The following NFIB variants were observed in gnomAD, a reference collection of about 807,000 sequenced individuals.
NFIB encodes the protein nuclear factor 1 B-type.
Under a neutral mutation model 61.5 loss-of-function variants are expected in NFIB, and 11 were observed. The ratio of observed to expected loss-of-function variants is 0.18; its 90% confidence interval spans 0.11 to 0.30. The LOEUF is 0.30. NFIB is among the 10% of genes least tolerant of loss of function. The pLI is 1.00. For synonymous variants in NFIB, 260 were observed against 216.5 expected (o/e 1.20, Z -1.76); for missense variants, 471 against 608.9 (o/e 0.77, Z 2.38).
intron 3 of NFIB, among the ~76,000 whole-genome samples, chr9:14,164,135 AT>A (rs1290271995): frequency 2.0e-5 from 3 of 152,056 alleles, no homozygotes; most frequent in African/African-American, 4.8e-5. Flanking sequence ...ATTTAAAAAA[AT>A]AAATAAAACA....
chr9:14,294,373 C>T (rs1366272057), intron 2 of NFIB, among the ~76,000 whole-genome samples: 8 of 152,336 alleles, frequency 5.3e-5, no homozygotes, highest in East Asian at 3.9e-4. Flanking sequence ...ACCATGTATA[C>T]GCTCCCACTT....
At chr9:14,450,912 C>G in the NFIB span, among the ~76,000 whole-genome samples, 1 of 152,230 alleles carries the variant, frequency 6.6e-6, no homozygotes, top group South Asian at 2.1e-4. Context: ...GTGTGATTTA[C>G]AGACATTGTC....
At chr9:14,208,725 C>A (rs10961424) in intron 2 of NFIB, among the ~76,000 whole-genome samples, 35,553 of 151,976 alleles carry the variant, frequency 0.23, 4,303 homozygotes, top group South Asian at 0.4. Context: ...AACTGAGGAC[C>A]ATTCAACAAT....
chr9:14,428,610 G>T, the NFIB span, among the ~76,000 whole-genome samples: 1 of 152,184 alleles, frequency 6.6e-6, no homozygotes, highest in Non-Finnish European at 1.5e-5. Flanking sequence ...TTCTGAAATT[G>T]CTCCAGCCTC....
the NFIB span, among the ~76,000 whole-genome samples, chr9:14,426,307 C>T: frequency 6.6e-6 from 1 of 152,178 alleles, no homozygotes; most frequent in East Asian, 1.9e-4. Context: ...AGGCCAGATG[C>T]AGGTGGCATG....
chr9:14,521,374 G>T, the NFIB span, among the ~76,000 whole-genome samples: 1 of 152,054 alleles, frequency 6.6e-6, no homozygotes, highest in Non-Finnish European at 1.5e-5. Flanking sequence ...TGATGTCTTT[G>T]GTTAATCATG....
the NFIB span, among the ~76,000 whole-genome samples, chr9:14,425,603 C>T: frequency 7.4e-6 from 1 of 135,142 alleles, no homozygotes; most frequent in Non-Finnish European, 1.5e-5. Flanking sequence ...AGCATTGCTA[C>T]ATAATTTTTT....
chr9:14,229,197 C>T (rs934008264), intron 2 of NFIB, among the ~76,000 whole-genome samples: 7 of 152,148 alleles, frequency 4.6e-5, no homozygotes, highest in African/African-American at 9.7e-5. Context: ...AAAAGCTCAT[C>T]GGTAAGTTAA....
At chr9:14,108,101 A>G (rs191279098) in intron 10 of NFIB, among the ~76,000 whole-genome samples, 7 of 152,186 alleles carry the variant, frequency 4.6e-5, no homozygotes, top group Admixed American at 1.3e-4. Flanking sequence ...CTTCCTTTAA[A>G]TGTGTTTCCT....
chr9:14,198,185 T>C (rs983035435), intron 2 of NFIB, among the ~76,000 whole-genome samples: 2 of 152,176 alleles, frequency 1.3e-5, no homozygotes, highest in African/African-American at 4.8e-5. Flanking sequence ...GAAATGGGGT[T>C]TCCCTTCCAT....
the NFIB span, among the ~76,000 whole-genome samples, chr9:14,496,125 C>T: frequency 1.4e-3 from 207 of 152,328 alleles, 1 homozygote; most frequent in Non-Finnish European, 2.5e-3. Flanking sequence ...TTCACTCTTA[C>T]ATGTTGAGTA....
the NFIB span, among the ~76,000 whole-genome samples, chr9:14,477,979 C>T: frequency 6.6e-6 from 1 of 152,134 alleles, no homozygotes; most frequent in African/African-American, 2.4e-5. Flanking sequence ...ATTCTATGCC[C>T]TGAGGAAATC....
intron 1 of NFIB, among the ~76,000 whole-genome samples, chr9:14,341,361 C>G (rs1347179590): frequency 6.6e-6 from 1 of 152,182 alleles, no homozygotes; most frequent in Admixed American, 6.5e-5. Context: ...GGACAGCTCT[C>G]TTTGTAGTTT....
chr9:14,471,036 T>C, the NFIB span, among the ~76,000 whole-genome samples: 3 of 152,244 alleles, frequency 2.0e-5, no homozygotes, highest in Admixed American at 6.5e-5. Context: ...ATTAATGATC[T>C]GAAAAATTCC....
chr9:14,531,538 AG>A, the NFIB span, among the ~76,000 whole-genome samples: 3 of 152,174 alleles, frequency 2.0e-5, no homozygotes, highest in African/African-American at 7.2e-5. Context: ...CATTATTCAG[AG>A]GAGCTGCAGA....
rs527345903 is a variant in NFIB at position 14,374,873 on chromosome 9, G to A, written c.108+23651C>T. Among the ~76,000 whole-genome samples, 5 of 152,228 alleles carry A rather than the reference G, an allele frequency of 3.3e-5. No homozygotes were observed. In the East Asian group the frequency reaches 7.7e-4, roughly 24 times the overall value. ...TGCAGTGAGACAAGATTGCGCCACT[G>A]CACTCCAGCCTGGGCAACAGAGCTA... On this transcript the variant is annotated intron_variant, in intron 1 of 8. Coordinates refer to the NFIB transcript ENST00000380934.
At chr9:14,315,456 C>A (rs1344717376), upstream of NFIB, among the ~76,000 whole-genome samples, 3 of 148,536 alleles carry the variant, frequency 2.0e-5, no homozygotes, top group Non-Finnish European at 4.5e-5. Context: ...CAATCCCCAC[C>A]CCCCGGGGCC....
the NFIB span, among the ~76,000 whole-genome samples, chr9:14,409,830 G>T: frequency 1.3e-5 from 2 of 152,138 alleles, no homozygotes; most frequent in Non-Finnish European, 2.9e-5. Context: ...ATAAGAGAAG[G>T]TATTATAAAC....
chr9:14,509,558 G>C, the NFIB span, among the ~76,000 whole-genome samples: 1 of 152,172 alleles, frequency 6.6e-6, no homozygotes, highest in South Asian at 2.1e-4. Flanking sequence ...AACCTGGCAA[G>C]TTTCACAGAT....
Sources: allele counts gnomAD v4.1 joint callset (sites outside exome capture counted in the v4.1 genomes callset), GRCh38; gene constraint gnomAD v4.1.1; transcripts MANE v1.5; gene names NCBI Gene and HGNC (gene_info 2026-07-23, HGNC 2026-07-21).